The following FOXP2 variants were observed in gnomAD, a reference collection of about 807,000 sequenced individuals.
FOXP2 encodes forkhead box protein P2.
A neutral mutation model predicts 115.8 loss-of-function variants in FOXP2; 12 were observed. The observed-to-expected ratio is 0.10, with a 90% CI of 0.07 to 0.17. FOXP2 has a LOEUF of 0.17. Ranked by LOEUF, FOXP2 falls within the 10% of genes least tolerant of loss-of-function variation. FOXP2 has a pLI of 1.00. For missense variants in FOXP2, 629 were observed against 843.5 expected (o/e 0.75, Z 3.15); for synonymous variants, 328 against 297.7 (o/e 1.10, Z -1.05).
chr7:114,118,472 T>TA (rs565371656), intron 1 of FOXP2, among the ~76,000 whole-genome samples: 325 of 151,612 alleles, frequency 2.1e-3, no homozygotes, highest in South Asian at 7.9e-3. Flanking sequence ...TTTTTTTTTT[T>TA]ACCTAATCAG....
chr7:114,251,554 A>G (rs1795444480), intron 1 of FOXP2, among the ~76,000 whole-genome samples: 1 of 152,104 alleles, frequency 6.6e-6, no homozygotes. Context: ...ATTCTCTTTG[A>G]AGCAATTGTG....
intron 2 of FOXP2, among the ~76,000 whole-genome samples, chr7:114,498,011 C>A (rs1584810827): frequency 6.6e-6 from 1 of 152,074 alleles, no homozygotes; most frequent in Non-Finnish European, 1.5e-5. Flanking sequence ...GTCCCCAAGT[C>A]CTGTATTTTA....
intron 3 of FOXP2, among the ~76,000 whole-genome samples, chr7:114,547,248 T>C (rs1006429774): frequency 3.3e-5 from 5 of 152,220 alleles, no homozygotes; most frequent in Admixed American, 3.3e-4. Context: ...TTTATCTTTA[T>C]CTAAATATTT....
chr7:114,088,301 A>G (rs1007769136), intron 1 of FOXP2: 3 of 152,570 alleles, frequency 2.0e-5, no homozygotes, highest in African/African-American at 7.2e-5. Context: ...GGAGGGGGAA[A>G]GGGTACGAAG....
chr7:114,346,036 T>C (rs970220493), intron 2 of FOXP2, among the ~76,000 whole-genome samples: 1 of 151,962 alleles, frequency 6.6e-6, no homozygotes, highest in South Asian at 2.1e-4. Context: ...GATAATTGAT[T>C]ACTCATAGAT....
intron 1 of FOXP2, among the ~76,000 whole-genome samples, chr7:114,240,708 C>A (rs1471568056): frequency 6.6e-6 from 1 of 151,478 alleles, no homozygotes; most frequent in Non-Finnish European, 1.5e-5. Context: ...CAAAAAAAAA[C>A]CCTATTTCAA....
intron 2 of FOXP2, among the ~76,000 whole-genome samples, chr7:114,478,008 T>C (rs1796364589): frequency 6.6e-6 from 1 of 151,838 alleles, no homozygotes; most frequent in African/African-American, 2.4e-5. Flanking sequence ...AATCAAGTAT[T>C]CTGACTTCTA....
At chr7:114,271,129 AGTTCTTTCACCTTGCT>A (rs1228225222) in intron 1 of FOXP2, among the ~76,000 whole-genome samples, 4 of 151,932 alleles carry the variant, frequency 2.6e-5, no homozygotes, top group African/African-American at 9.7e-5. Flanking sequence ...TTTATTTGTC[AGTTCTTTCACCTTGCT>A]GTAATTACTT....
intron 11 of FOXP2, 141 bp from the exon 12 acceptor site, chr7:114,659,215 T>G (rs1806747726): frequency 1.5e-6 from 1 of 682,304 alleles, no homozygotes; most frequent in Non-Finnish European, 2.6e-6. Context: ...TATAATTCAA[T>G]TCCACTGTCA....
chr7:114,468,367 A>G (rs773471596), intron 2 of FOXP2, among the ~76,000 whole-genome samples: 2 of 151,986 alleles, frequency 1.3e-5, no homozygotes, highest in African/African-American at 2.4e-5. Context: ...AGTTATTGTC[A>G]TGTCGCTCAC....
chr7:114,268,279 C>T (rs1160724520), intron 1 of FOXP2, among the ~76,000 whole-genome samples: 1 of 152,048 alleles, frequency 6.6e-6, no homozygotes, highest in Non-Finnish European at 1.5e-5. Context: ...ATAATCAACT[C>T]AGCAACATGT....
At chr7:114,131,756 G>A (rs947803140) in intron 1 of FOXP2, among the ~76,000 whole-genome samples, 3 of 152,058 alleles carry the variant, frequency 2.0e-5, no homozygotes, top group African/African-American at 7.2e-5. Flanking sequence ...TCATAAAAAG[G>A]ACTGAAATTG....
chr7:114,608,670 C>G (rs1803464234), intron 3 of FOXP2, among the ~76,000 whole-genome samples: 1 of 152,152 alleles, frequency 6.6e-6, no homozygotes, highest in African/African-American at 2.4e-5. Flanking sequence ...TTCTAGGGGA[C>G]ACTTCACCTG....
chr7:114,628,872 T>A, intron 4 of FOXP2, 195 bp downstream of exon 4: 1 of 630,178 alleles, frequency 1.6e-6, no homozygotes, highest in Non-Finnish European at 2.7e-6. Flanking sequence ...TTAAAAAAAT[T>A]ATTAAAGTCT....
At chr7:114,425,311 T>TA (rs1191124424) in intron 1 of FOXP2, among the ~76,000 whole-genome samples, 1 of 151,640 alleles carries the variant, frequency 6.6e-6, no homozygotes, top group Non-Finnish European at 1.5e-5. Flanking sequence ...GTATTACTGT[T>TA]AAAGTCACAG....
chr7:114,378,259 A>G (rs1453381660), intron 2 of FOXP2, among the ~76,000 whole-genome samples: 1 of 152,190 alleles, frequency 6.6e-6, no homozygotes, highest in Non-Finnish European at 1.5e-5. Flanking sequence ...AAGCAGACAT[A>G]GGAGTTAGAT....
chr7:114,419,713 G>GACACACACACAC, intron 1 of FOXP2: 1 of 141,612 alleles, frequency 7.1e-6, no homozygotes, highest in South Asian at 2.3e-4. Context: ...CATACACATA[G>GACACACACACAC]ACACACACAC....
chr7:114,365,803 C>A (rs918717614), intron 2 of FOXP2, among the ~76,000 whole-genome samples: 31 of 152,230 alleles, frequency 2.0e-4, no homozygotes, highest in Admixed American at 7.2e-4. Flanking sequence ...TAGTACTTCT[C>A]ATACTTGATT....
At chr7:114,580,580 C>CAAAACA (rs139629712) in intron 3 of FOXP2, among the ~76,000 whole-genome samples, 12,748 of 151,158 alleles carry the variant, frequency 0.084, 590 homozygotes, top group Middle Eastern at 0.16. Flanking sequence ...GACTCTGTCT[C>CAAAACA]AAAACAAAAA....
Sources: gnomAD v4.1 joint callset for allele counts (sites outside exome capture counted in the v4.1 genomes callset) on GRCh38, gnomAD v4.1.1 for gene constraint, MANE v1.5 for transcripts, NCBI Gene and HGNC (gene_info 2026-07-23, HGNC 2026-07-21) for gene names.